The following CLIC5 variants were observed in gnomAD, a reference collection of about 807,000 sequenced individuals.
The protein encoded by CLIC5 is chloride intracellular channel protein 5.
CLIC5 carries 20 observed loss-of-function variants against 24.7 expected under a neutral mutation model. The ratio of observed to expected loss-of-function variants is 0.81; its 90% CI spans 0.57 to 1.18. The LOEUF (loss-of-function observed/expected upper bound fraction) is 1.18, where lower values mean the gene tolerates loss of function less well. Among genes scored for constraint, CLIC5 ranks in the 50% most tolerant of loss-of-function variants. CLIC5 has a pLI of 0.00. For synonymous variants in CLIC5, 159 were observed against 135.6 expected, an observed-to-expected ratio of 1.17 and a Z score of -1.20; for missense variants, 341 against 326.1, an observed-to-expected ratio of 1.05 and a Z score of -0.35.
intron 1 of CLIC5, among the ~76,000 whole-genome samples, chr6:45,980,942 A>G (rs1205676762): frequency 2.6e-5 from 4 of 151,986 alleles, no homozygotes; most frequent in Non-Finnish European, 5.9e-5. Flanking sequence ...GACCCTTATT[A>G]CAGGTTCATT....
At chr6:45,943,956 G>A (rs1314171053) in intron 3 of CLIC5, among the ~76,000 whole-genome samples, 3 of 152,178 alleles carry the variant, frequency 2.0e-5, no homozygotes, top group Non-Finnish European at 4.4e-5. Flanking sequence ...TAGGATAAGT[G>A]CATTCATTTT....
chr6:45,969,383 C>T (rs899645769), intron 1 of CLIC5, among the ~76,000 whole-genome samples: 2 of 152,152 alleles, frequency 1.3e-5, no homozygotes, highest in African/African-American at 4.8e-5. Flanking sequence ...ATTCTCAGCA[C>T]CTTACCTTAA....
At chr6:45,996,883 G>A (rs1341835086) in intron 1 of CLIC5, among the ~76,000 whole-genome samples, 1 of 151,830 alleles carries the variant, frequency 6.6e-6, no homozygotes, top group Middle Eastern at 3.2e-3. Flanking sequence ...TGGAGAAATA[G>A]GAACACTTTT....
At chr6:46,071,777 A>T (rs1030314713) in intron 1 of CLIC5, among the ~76,000 whole-genome samples, 1 of 152,234 alleles carries the variant, frequency 6.6e-6, no homozygotes, top group Non-Finnish European at 1.5e-5. Flanking sequence ...TCATAAAGAC[A>T]CATGGATGCA....
the CLIC5 span, among the ~76,000 whole-genome samples, chr6:46,116,547 A>G: frequency 6.6e-6 from 1 of 152,238 alleles, no homozygotes; most frequent in African/African-American, 2.4e-5. Context: ...CTTTAAAGCA[A>G]GTACTCAGCA....
At chr6:46,043,287 T>C (rs2074216109) in intron 1 of CLIC5, among the ~76,000 whole-genome samples, 1 of 152,212 alleles carries the variant, frequency 6.6e-6, no homozygotes, top group South Asian at 2.1e-4. Context: ...ATAAAGCATG[T>C]ATTGTATTTT....
intron 1 of CLIC5, among the ~76,000 whole-genome samples, chr6:46,035,291 G>C (rs1205193782): frequency 6.6e-6 from 1 of 151,974 alleles, no homozygotes; most frequent in Non-Finnish European, 1.5e-5. Context: ...TAATATTAGA[G>C]GAAGAAAAAA....
At chr6:46,071,230 T>C (rs1053309952) in intron 1 of CLIC5, among the ~76,000 whole-genome samples, 3 of 151,916 alleles carry the variant, frequency 2.0e-5, no homozygotes, top group Non-Finnish European at 4.4e-5. Context: ...ACAAATGGGA[T>C]CTAATTAAAC....
At chr6:45,930,633 T>C (rs1259232987) in intron 4 of CLIC5, among the ~76,000 whole-genome samples, 1 of 152,196 alleles carries the variant, frequency 6.6e-6, no homozygotes, top group African/African-American at 2.4e-5. Context: ...CAGCACATGC[T>C]TCCTCATTAC....
intron 1 of CLIC5, among the ~76,000 whole-genome samples, chr6:45,968,509 C>T (rs1765090793): frequency 6.6e-6 from 1 of 152,050 alleles, no homozygotes; most frequent in African/African-American, 2.4e-5. Flanking sequence ...GAGATCCTGC[C>T]AACTTGTTAC....
intron 4 of CLIC5, among the ~76,000 whole-genome samples, chr6:45,922,696 G>A (rs1373820996): frequency 6.6e-6 from 1 of 152,158 alleles, no homozygotes; most frequent in East Asian, 1.9e-4. Context: ...AGCCACAGTA[G>A]ATTTGAAGAG....
chr6:45,921,274 A>G (rs1358649257), intron 4 of CLIC5, among the ~76,000 whole-genome samples: 1 of 152,142 alleles, frequency 6.6e-6, no homozygotes, highest in Non-Finnish European at 1.5e-5. Context: ...TGGGAAGGGG[A>G]CTTTCTATCA....
At chr6:45,945,131 C>T (rs145749411) in intron 3 of CLIC5, among the ~76,000 whole-genome samples, 13 of 152,288 alleles carry the variant, frequency 8.5e-5, no homozygotes, top group African/African-American at 3.1e-4. Context: ...ACCTGGGAGA[C>T]AGACCCAAAA....
intron 1 of CLIC5, among the ~76,000 whole-genome samples, chr6:45,963,337 A>G (rs1764912103): frequency 6.6e-6 from 1 of 152,192 alleles, no homozygotes; most frequent in Non-Finnish European, 1.5e-5. Context: ...CAGTCTGTGC[A>G]GTTGCATGGG....
At chr6:45,916,364 G>A (rs1052103894) in intron 4 of CLIC5, among the ~76,000 whole-genome samples, 1 of 152,204 alleles carries the variant, frequency 6.6e-6, no homozygotes, top group Admixed American at 6.5e-5. Flanking sequence ...CAATGGCAGA[G>A]GGTGGGTACT....
At chr6:45,890,060 G>A (rs567159370) in intron 6 of CLIC5, among the ~76,000 whole-genome samples, 1 of 152,158 alleles carries the variant, frequency 6.6e-6, no homozygotes, top group African/African-American at 2.4e-5. Flanking sequence ...GTCCATTCAA[G>A]TTCTTTGCCC....
At chr6:46,072,022 G>A (rs1422887561) in intron 1 of CLIC5, among the ~76,000 whole-genome samples, 1 of 152,070 alleles carries the variant, frequency 6.6e-6, no homozygotes, top group Non-Finnish European at 1.5e-5. Context: ...CCCATAAGTG[G>A]GAGCTAAATG....
chr6:45,902,271 C>A lies in CLIC5; in HGVS notation c.*817G>T, dbSNP rs895117962. 1.3e-5 allele frequency: 2 copies of A among 152,834 alleles called. No homozygotes were observed. The highest frequency in any genetic ancestry group is 2.9e-5 in the Non-Finnish European group (2 of 68,156). The allele number at this position is 152,834 out of a possible 1,614,324, so 9.5% of individuals were successfully genotyped here. ...CCCAGGCCTGTAATCACCTCTGAAA[C>A]AACTACTCCTAAGCAAGCAAACCCC... On this transcript the variant is annotated 3_prime_UTR_variant, in exon 6 of 6. Coordinates refer to ENST00000339561, the MANE Select transcript of CLIC5 (RefSeq NM_016929.5).
chr6:46,075,292 G>A (rs2127476823), intron 1 of CLIC5, among the ~76,000 whole-genome samples: 1 of 152,184 alleles, frequency 6.6e-6, no homozygotes, highest in Non-Finnish European at 1.5e-5. Flanking sequence ...TAGGGGCTGG[G>A]CACAGTGGCT....
Sources: gnomAD v4.1 joint callset for allele counts (sites outside exome capture counted in the v4.1 genomes callset) on GRCh38, gnomAD v4.1.1 for gene constraint, MANE v1.5 for transcripts, NCBI Gene and HGNC (gene_info 2026-07-23, HGNC 2026-07-21) for gene names.